CNTN5: variants seen among roughly 807,000 people sequenced by gnomAD.
CNTN5 encodes contactin-5.
Under a neutral mutation model 129.1 loss-of-function variants are expected in CNTN5, and 77 were observed. The ratio of observed to expected loss-of-function variants is 0.60; its 90% CI spans 0.50 to 0.72. The LOEUF (loss-of-function observed/expected upper bound fraction) is 0.72. CNTN5 is among the 30% of genes least tolerant of loss of function. CNTN5 has a pLI of 0.00. For missense variants in CNTN5, 1,478 were observed against 1,328.8 expected, an observed-to-expected ratio of 1.11 and a Z score of -1.75; for synonymous variants, 509 against 465.6, an observed-to-expected ratio of 1.09 and a Z score of -1.20.
At chr11:99,664,920 T>C (rs1952728970) in intron 3 of CNTN5, among the ~76,000 whole-genome samples, 1 of 152,206 alleles carries the variant, frequency 6.6e-6, no homozygotes, top group African/African-American at 2.4e-5. Flanking sequence ...TGCCAAATGT[T>C]GTGTCTAACA....
intron 2 of CNTN5, among the ~76,000 whole-genome samples, chr11:99,330,391 A>G (rs1219174916): frequency 1.3e-5 from 2 of 152,168 alleles, no homozygotes. Context: ...AAGAAAAATG[A>G]TACATTCCTA....
At chr11:99,202,773 T>G (rs1859274717) in intron 1 of CNTN5, among the ~76,000 whole-genome samples, 1 of 150,448 alleles carries the variant, frequency 6.6e-6, no homozygotes, top group Admixed American at 6.6e-5. Flanking sequence ...TGTATATAAA[T>G]AAATATAAAT....
chr11:99,559,650 C>G (rs1393862992), intron 3 of CNTN5, among the ~76,000 whole-genome samples: 2 of 152,120 alleles, frequency 1.3e-5, no homozygotes, highest in Non-Finnish European at 2.9e-5. Flanking sequence ...TTTGCAGTTT[C>G]TTACAAAGCT....
chr11:99,088,545 C>T (rs1591171482), intron 1 of CNTN5, among the ~76,000 whole-genome samples: 1 of 152,010 alleles, frequency 6.6e-6, no homozygotes, highest in Non-Finnish European at 1.5e-5. Flanking sequence ...CTTGTAGTAA[C>T]GATTCACCAA....
At chr11:99,673,617 C>A (rs1953142406) in intron 3 of CNTN5, among the ~76,000 whole-genome samples, 1 of 152,100 alleles carries the variant, frequency 6.6e-6, no homozygotes, top group Admixed American at 6.5e-5. Flanking sequence ...CTCCTCTAAG[C>A]CCCAGTGTGT....
chr11:100,133,485 A>G lies in CNTN5; in HGVS notation c.1581-57641A>G, dbSNP rs1946435097. 3.3e-5 allele frequency among the ~76,000 whole-genome samples: 5 copies of G among 152,274 alleles called. No homozygotes were observed. In the South Asian group the frequency reaches 1.0e-3, roughly 32 times the overall value. On this transcript the variant is annotated intron_variant, in intron 13 of 24. Coordinates refer to ENST00000524871, the MANE Select transcript of CNTN5 (RefSeq NM_014361.4). ...GGCGTAGTAAAAAGTTGAAAAATTC[A>G]GACTCCCTGTTTATCTCTAGCAACA...
intron 2 of CNTN5, among the ~76,000 whole-genome samples, chr11:99,533,451 T>C (rs1347595598): frequency 1.3e-5 from 2 of 152,192 alleles, no homozygotes; most frequent in African/African-American, 4.8e-5. Flanking sequence ...CCACTCAGTC[T>C]CTTGTAAATC....
chr11:99,079,525 T>A (rs12292715), intron 1 of CNTN5, among the ~76,000 whole-genome samples: 11,000 of 152,236 alleles, frequency 0.072, 628 homozygotes, highest in African/African-American at 0.16. Flanking sequence ...TCAAAATCAG[T>A]AGGATCTTGC....
intron 2 of CNTN5, among the ~76,000 whole-genome samples, chr11:99,495,605 A>G (rs546809005): frequency 6.6e-6 from 1 of 152,336 alleles, no homozygotes; most frequent in South Asian, 2.1e-4. Context: ...TAGCACATGC[A>G]TAAAGGCCAT....
At chr11:100,286,439 T>A (rs1188992825) in intron 18 of CNTN5, among the ~76,000 whole-genome samples, 14 of 151,116 alleles carry the variant, frequency 9.3e-5, no homozygotes, top group Non-Finnish European at 1.5e-4. Flanking sequence ...CTCAAGTGGG[T>A]CCCTGACCCC....
intron 3 of CNTN5, among the ~76,000 whole-genome samples, chr11:99,648,045 T>A (rs1297348518): frequency 6.6e-6 from 1 of 152,042 alleles, no homozygotes; most frequent in Admixed American, 6.6e-5. Context: ...TTCAGTATGA[T>A]GTTACCTGTG....
chr11:99,457,646 T>C (rs997367080), intron 2 of CNTN5, among the ~76,000 whole-genome samples: 1 of 151,962 alleles, frequency 6.6e-6, no homozygotes, highest in Non-Finnish European at 1.5e-5. Context: ...TATGTTTAAA[T>C]TGAAATATGT....
At chr11:99,226,142 T>C (rs1038756851) in intron 1 of CNTN5, among the ~76,000 whole-genome samples, 17 of 152,186 alleles carry the variant, frequency 1.1e-4, no homozygotes, top group Admixed American at 5.9e-4. Flanking sequence ...TTTTAAAATA[T>C]GGCTATATCT....
At chr11:99,364,965 A>G (rs1939353024) in intron 2 of CNTN5, among the ~76,000 whole-genome samples, 2 of 152,128 alleles carry the variant, frequency 1.3e-5, no homozygotes, top group Non-Finnish European at 2.9e-5. Context: ...TTGAAGGGAA[A>G]AGATTGGAGA....
chr11:99,923,232 A>G (rs1413686768), intron 7 of CNTN5, among the ~76,000 whole-genome samples: 3 of 152,190 alleles, frequency 2.0e-5, no homozygotes, highest in Non-Finnish European at 4.4e-5. Flanking sequence ...ACATGAAAAT[A>G]CCTTGTTTGG....
At chr11:100,049,780 A>G (rs1343321764) in intron 9 of CNTN5, among the ~76,000 whole-genome samples, 3 of 152,190 alleles carry the variant, frequency 2.0e-5, no homozygotes, top group African/African-American at 7.2e-5. Context: ...ATTTACAAGA[A>G]AAATACAAAC....
chr11:100,054,609 T>A (rs1008633419), intron 9 of CNTN5, among the ~76,000 whole-genome samples: 1 of 151,802 alleles, frequency 6.6e-6, no homozygotes, highest in Non-Finnish European at 1.5e-5. Context: ...ATCTCCTCAT[T>A]CTCCAGTATG....
At chr11:99,980,872 G>C (rs1185373790) in intron 8 of CNTN5, among the ~76,000 whole-genome samples, 1 of 151,702 alleles carries the variant, frequency 6.6e-6, no homozygotes, top group Non-Finnish European at 1.5e-5. Context: ...ACAGGCTTAA[G>C]ATAGAATTTC....
intron 8 of CNTN5, among the ~76,000 whole-genome samples, chr11:99,996,471 T>C (rs1939450930): frequency 6.6e-6 from 1 of 152,190 alleles, no homozygotes; most frequent in Admixed American, 6.6e-5. Context: ...TTATCTAATA[T>C]CACTTCCCTT....
Sources: gnomAD v4.1 joint callset for allele counts (sites outside exome capture counted in the v4.1 genomes callset) on GRCh38, gnomAD v4.1.1 for gene constraint, MANE v1.5 for transcripts, NCBI Gene and HGNC (gene_info 2026-07-23, HGNC 2026-07-21) for gene names.